The following CECR2 variants were observed in gnomAD, a reference collection of about 807,000 sequenced individuals.
CECR2 encodes the protein CECR2 histone acetyl-lysine reader, also known as chromatin remodeling regulator CECR2.
CECR2 carries 30 observed loss-of-function variants against 154.5 expected under a neutral mutation model. The observed-to-expected ratio is 0.19, with a 90% CI of 0.15 to 0.26. The LOEUF (loss-of-function observed/expected upper bound fraction) is 0.26. CECR2 is among the 10% of genes least tolerant of loss of function. The probability of loss-of-function intolerance (pLI) is 1.00; values close to 1 mark genes in which losing one functional copy is unlikely to be tolerated. For synonymous variants in CECR2, 725 were observed against 683.7 expected, an observed-to-expected ratio of 1.06 and a Z score of -0.94; for missense variants, 1,743 against 1,829.3, an observed-to-expected ratio of 0.95 and a Z score of 0.86.
chr22:17,368,796 C>G (rs1212699065), upstream of CECR2, among the ~76,000 whole-genome samples: 1 of 152,088 alleles, frequency 6.6e-6, no homozygotes, highest in Non-Finnish European at 1.5e-5. Context: ...TTGGGGATCG[C>G]TCTTCCCGCT....
intron 7 of CECR2, among the ~76,000 whole-genome samples, chr22:17,506,154 C>G (rs2055840735): frequency 6.6e-6 from 1 of 151,556 alleles, no homozygotes; most frequent in South Asian, 2.1e-4. Context: ...GCTTTTATTG[C>G]TTTAAGACAG....
At chr22:17,463,176 A>G (rs73876449) in intron 1 of CECR2, among the ~76,000 whole-genome samples, 3,228 of 152,286 alleles carry the variant, frequency 0.021, 99 homozygotes, top group African/African-American at 0.072. Flanking sequence ...TGCTGAGTGT[A>G]TCTGAGGAGC....
chr22:17,499,336 A>C (rs2055693196), intron 3 of CECR2, 74 bp from the exon 4 acceptor site: 2 of 1,535,926 alleles, frequency 1.3e-6, no homozygotes, highest in Middle Eastern at 1.8e-4. Context: ...GTAAATTTGG[A>C]ATCCTCGTTC....
chr22:17,363,249 G>A (rs1037373569), intron 1 of CECR2, among the ~76,000 whole-genome samples: 7 of 150,010 alleles, frequency 4.7e-5, no homozygotes, highest in Non-Finnish European at 8.9e-5. Context: ...TCTCGCTTTC[G>A]CCAGGCTGGA....
intron 1 of CECR2, among the ~76,000 whole-genome samples, chr22:17,398,452 A>G (rs548712204): frequency 2.6e-5 from 4 of 152,320 alleles, no homozygotes; most frequent in East Asian, 1.9e-4. Context: ...GTTATGCAGT[A>G]GACAGTTGAG....
At chr22:17,433,728 T>A (rs1169460299) in intron 1 of CECR2, among the ~76,000 whole-genome samples, 4 of 152,248 alleles carry the variant, frequency 2.6e-5, no homozygotes, top group Admixed American at 6.5e-5. Flanking sequence ...ATTACAGGCA[T>A]GAGTCACTGT....
At chr22:17,405,429 GATAAGATAAA>G (rs1376891160) in intron 1 of CECR2, among the ~76,000 whole-genome samples, 25 of 147,344 alleles carry the variant, frequency 1.7e-4, no homozygotes, top group African/African-American at 4.0e-4. Flanking sequence ...AATAAGATAA[GATAAGATAAA>G]ATAAGATAAA....
At position 17,539,078 on chromosome 22, in the gene CECR2, C is replaced by T. The variant is rs371376833; in HGVS notation, c.1454C>T (p.Thr485Ile). Residue 485 changes from threonine (T) to isoleucine (I), a missense_variant, in exon 13 of 19, where the codon ACC (threonine) becomes ATC (isoleucine). Coordinates refer to ENST00000262608, the MANE Select transcript of CECR2 (RefSeq NM_001290047.2). ...GAGGAATTTGTAAATGACATGAAGA[C>T]CATGTTCAGGAATTGTCGAAAGTAT... ...TKEEFVNDMK[T>I]MFRNCRKYNG... 6.8e-6 allele frequency: 11 copies of T among 1,613,548 alleles called. No homozygotes were observed. The highest frequency in any genetic ancestry group is 9.3e-6 in the Non-Finnish European group (11 of 1,179,762).
chr22:17,530,109 G>A (rs1266618141), intron 9 of CECR2, among the ~76,000 whole-genome samples: 1 of 151,702 alleles, frequency 6.6e-6, no homozygotes, highest in Non-Finnish European at 1.5e-5. Context: ...GTCGTATGCT[G>A]GTATTTATAT....
intron 10 of CECR2, among the ~76,000 whole-genome samples, chr22:17,537,952 C>T (rs1475292061): frequency 6.6e-6 from 1 of 151,800 alleles, no homozygotes; most frequent in African/African-American, 2.4e-5. Flanking sequence ...TGAGATCGTG[C>T]CACTGCACTC....
At chr22:17,382,199 C>G (rs2063206275) in intron 1 of CECR2, among the ~76,000 whole-genome samples, 1 of 151,958 alleles carries the variant, frequency 6.6e-6, no homozygotes, top group Non-Finnish European at 1.5e-5. Context: ...CAGAGAGCCC[C>G]TTCCTCATAG....
intron 1 of CECR2, among the ~76,000 whole-genome samples, chr22:17,363,004 G>C (rs1393596429): frequency 1.3e-5 from 2 of 148,918 alleles, no homozygotes; most frequent in African/African-American, 4.9e-5. Context: ...TCTCCATCCT[G>C]TGTCACGTCC....
At chr22:17,421,650 A>G (rs1256952944) in intron 1 of CECR2, among the ~76,000 whole-genome samples, 10 of 114,916 alleles carry the variant, frequency 8.7e-5, no homozygotes, top group Non-Finnish European at 1.6e-4. Context: ...AAAATTAGCC[A>G]GGCATGGTGG....
At chr22:17,537,992 C>CA (rs1339847156) in intron 10 of CECR2, among the ~76,000 whole-genome samples, 1,790 of 99,506 alleles carry the variant, frequency 0.018, 35 homozygotes, top group African/African-American at 0.052. Context: ...AGACTCCGTC[C>CA]AAAAAAAAAA....
chr22:17,469,223 G>A (rs2055081189), intron 1 of CECR2, among the ~76,000 whole-genome samples: 1 of 151,854 alleles, frequency 6.6e-6, no homozygotes. Context: ...GGCATCTGAA[G>A]GCATACCATG....
intron 1 of CECR2, among the ~76,000 whole-genome samples, chr22:17,403,033 C>T (rs138205764): frequency 0.024 from 3,671 of 152,286 alleles, 168 homozygotes; most frequent in African/African-American, 0.083. Context: ...GGATTACAGG[C>T]GTGAGCCAGC....
At chr22:17,534,098 A>G (rs2056400926) in intron 9 of CECR2, among the ~76,000 whole-genome samples, 1 of 152,170 alleles carries the variant, frequency 6.6e-6, no homozygotes, top group South Asian at 2.1e-4. Flanking sequence ...GCAGTGATTG[A>G]GAGAGAATGG....
chr22:17,391,030 T>C (rs1409553995), intron 1 of CECR2, among the ~76,000 whole-genome samples: 1 of 152,220 alleles, frequency 6.6e-6, no homozygotes, highest in Non-Finnish European at 1.5e-5. Flanking sequence ...TTAACACTTT[T>C]GCCACATTGG....
chr22:17,468,920 G>A (rs1262734810), intron 1 of CECR2, among the ~76,000 whole-genome samples: 1 of 151,928 alleles, frequency 6.6e-6, no homozygotes, highest in African/African-American at 2.4e-5. Context: ...TCCCATGGCG[G>A]GAGGCAGGAG....
Sources: allele counts gnomAD v4.1 joint callset (sites outside exome capture counted in the v4.1 genomes callset), GRCh38; gene constraint gnomAD v4.1.1; transcripts MANE v1.5; gene names NCBI Gene and HGNC (gene_info 2026-07-23, HGNC 2026-07-21).